The following ELAVL4 variants were observed in gnomAD, a reference collection of about 807,000 sequenced individuals.
ELAVL4 encodes the protein ELAV like RNA binding protein 4, also known as ELAV-like protein 4.
A neutral mutation model predicts 35.6 loss-of-function variants in ELAVL4; 1 was observed. The observed-to-expected ratio is 0.03, with a 90% CI of 0.01 to 0.13. ELAVL4 has a LOEUF of 0.13. Among genes scored for constraint, ELAVL4 ranks in the 10% least tolerant of loss-of-function variants. The pLI is 1.00. For synonymous variants in ELAVL4, 156 were observed against 171.0 expected, an observed-to-expected ratio of 0.91 and a Z score of 0.69; for missense variants, 267 against 464.9, an observed-to-expected ratio of 0.57 and a Z score of 3.91.
chr1:50,178,095 C>G (rs1680379046), intron 3 of ELAVL4, among the ~76,000 whole-genome samples: 1 of 152,186 alleles, frequency 6.6e-6, no homozygotes, highest in Admixed American at 6.5e-5. Context: ...GGCCTTCCTT[C>G]CCTTTCTTCC....
At chr1:50,135,760 AT>A (rs1001410870) in intron 1 of ELAVL4, among the ~76,000 whole-genome samples, 17 of 152,230 alleles carry the variant, frequency 1.1e-4, no homozygotes, top group Non-Finnish European at 2.2e-4. Context: ...GGAATTAAAT[AT>A]TTTTTTCTAG....
upstream of ELAVL4, chr1:50,106,232 C>T: frequency 7.3e-7 from 1 of 1,364,610 alleles, no homozygotes; most frequent in Non-Finnish European, 1.0e-6. Context: ...GCTTCTGGTA[C>T]AGTCCATCTG....
At chr1:50,112,253 A>T (rs1667198635) in intron 1 of ELAVL4, among the ~76,000 whole-genome samples, 1 of 152,026 alleles carries the variant, frequency 6.6e-6, no homozygotes, top group African/African-American at 2.4e-5. Flanking sequence ...AAAAAATAGA[A>T]TTTTTTTAAG....
At position 50,198,177 on chromosome 1, in the gene ELAVL4, G is replaced by A. The variant is rs555214839; in HGVS notation, c.773+710G>A. On this transcript the variant is annotated intron_variant, in intron 6 of 6. Transcript: ENST00000371824. ...ACTGAAAGGCTTTTTGTGGGGTTGG[G>A]GGCCCAGAGTCAAGGCTTTTGGGGC... 1.1e-4 allele frequency among the ~76,000 whole-genome samples: 17 copies of A among 152,248 alleles called. No individual in the cohort carries two copies. In the South Asian group the frequency reaches 3.3e-3, roughly 30 times the overall value.
intron 1 of ELAVL4, among the ~76,000 whole-genome samples, chr1:50,059,873 T>C (rs1572104844): frequency 6.6e-6 from 1 of 152,288 alleles, no homozygotes; most frequent in East Asian, 1.9e-4. Context: ...TATTATATTA[T>C]TTCATTTATG....
At chr1:50,075,841 A>G (rs527260264) in intron 1 of ELAVL4, among the ~76,000 whole-genome samples, 38 of 151,194 alleles carry the variant, frequency 2.5e-4, no homozygotes, top group African/African-American at 8.5e-4. Flanking sequence ...ACAGAGAGAC[A>G]GAGAGAGAGA....
In ELAVL4 at chr1:50,168,946, G is replaced by GTATATA. The variant is rs369553332; in HGVS notation, c.251-8130_251-8125dup. 3.1e-3 allele frequency among the ~76,000 whole-genome samples: 433 copies of GTATATA among 139,684 alleles called. 9 individuals are homozygous for GTATATA. In the East Asian group the frequency reaches 0.05, roughly 16 times the overall value. 91.6% of individuals were successfully genotyped at this position (139,684 alleles called of 152,430 possible). ...GAGGGATAGAACTGATAGGAGATAT[G>GTATATA]TATATATATATATATATACACACAC... On this transcript the variant is annotated intron_variant, in intron 2 of 6. Transcript: ENST00000371824.
intron 1 of ELAVL4, among the ~76,000 whole-genome samples, chr1:50,140,093 A>G (rs986889909): frequency 6.6e-6 from 1 of 152,218 alleles, no homozygotes. Flanking sequence ...GAACCTCCTC[A>G]ATGATCTATC....
intron 1 of ELAVL4, among the ~76,000 whole-genome samples, chr1:50,113,589 G>T (rs575099104): frequency 6.6e-6 from 1 of 152,094 alleles, no homozygotes; most frequent in African/African-American, 2.4e-5. Context: ...ACGAGTATGC[G>T]CTGGCAAATG....
chr1:50,085,219 G>C (rs1456306284), intron 1 of ELAVL4, among the ~76,000 whole-genome samples: 2 of 152,202 alleles, frequency 1.3e-5, no homozygotes, highest in Admixed American at 6.6e-5. Flanking sequence ...GCACACTGTA[G>C]GTGCTCAGTA....
chr1:50,162,045 C>G (rs1464334035), intron 2 of ELAVL4, among the ~76,000 whole-genome samples: 1 of 152,194 alleles, frequency 6.6e-6, no homozygotes, highest in African/African-American at 2.4e-5. Flanking sequence ...AAATCAGAAA[C>G]TCTATTAAAG....
chr1:50,168,907 G>A (rs1369381228), intron 2 of ELAVL4, among the ~76,000 whole-genome samples: 3 of 150,702 alleles, frequency 2.0e-5, no homozygotes, highest in Non-Finnish European at 2.9e-5. Context: ...ATCTGTATTA[G>A]TCAGGGTTCT....
chr1:50,069,217 A>G (rs1664401457), intron 1 of ELAVL4, among the ~76,000 whole-genome samples: 3 of 152,198 alleles, frequency 2.0e-5, no homozygotes, highest in Admixed American at 6.5e-5. Context: ...AGACCTAGCC[A>G]CTGTGGTGAC....
At chr1:50,159,371 A>G (rs7532927) in intron 2 of ELAVL4, among the ~76,000 whole-genome samples, 64,143 of 151,970 alleles carry the variant, frequency 0.42, 14,815 homozygotes, top group East Asian at 0.77. Flanking sequence ...ACTGTGGGAG[A>G]CCGAGGCAGG....
intron 1 of ELAVL4, among the ~76,000 whole-genome samples, chr1:50,061,813 C>T (rs777327729): frequency 1.3e-5 from 2 of 152,182 alleles, no homozygotes; most frequent in South Asian, 2.1e-4. Flanking sequence ...GGTTGGCAGG[C>T]CTTTGTCTGA....
At position 50,182,787 on chromosome 1, in the gene ELAVL4, G is replaced by A. The variant is rs138786411; in HGVS notation, c.354+5595G>A. Among the ~76,000 whole-genome samples the A allele has an allele frequency of 3.3e-5, 5 of 152,054 alleles. No individual in the cohort carries two copies. In the East Asian group the frequency reaches 5.8e-4, roughly 18 times the overall value. On this transcript the variant is annotated intron_variant, in intron 3 of 6. Transcript: ENST00000371824. Reference sequence around the variant, plus strand: ...TGCTTCTTTGTAAATAATTTGGTATGTACAGAATCATATCGTGAAGGCAAT... The same window carrying A: ...TGCTTCTTTGTAAATAATTTGGTATATACAGAATCATATCGTGAAGGCAAT...
intron 1 of ELAVL4, among the ~76,000 whole-genome samples, chr1:50,138,599 A>G (rs1672290485): frequency 6.6e-6 from 1 of 151,944 alleles, no homozygotes; most frequent in South Asian, 2.1e-4. Context: ...TGCTGGGATT[A>G]CAGGCACAGG....
At chr1:50,180,935 A>T (rs1328407315) in intron 3 of ELAVL4, 2 of 152,168 alleles carry the variant, frequency 1.3e-5, no homozygotes, top group African/African-American at 4.8e-5. Context: ...ACCCTTTTAC[A>T]TGCTTAATAT....
At chr1:50,190,957 C>T (rs1682577884) in intron 3 of ELAVL4, among the ~76,000 whole-genome samples, 1 of 152,218 alleles carries the variant, frequency 6.6e-6, no homozygotes, top group African/African-American at 2.4e-5. Flanking sequence ...CCAGTCTCAG[C>T]TCAGCTGTGT....
Sources: allele counts gnomAD v4.1 joint callset (sites outside exome capture counted in the v4.1 genomes callset), GRCh38; gene constraint gnomAD v4.1.1; transcripts MANE v1.5; gene names NCBI Gene and HGNC (gene_info 2026-07-23, HGNC 2026-07-21).